FBXW8: variants seen among roughly 807,000 people sequenced by gnomAD.
FBXW8 encodes F-box and WD repeat domain containing 8.
FBXW8 carries 57 observed loss-of-function variants against 65.3 expected under a neutral mutation model. The observed-to-expected ratio is 0.87, with a 90% confidence interval of 0.71 to 1.09. The LOEUF (loss-of-function observed/expected upper bound fraction) is 1.09, where lower values mean the gene tolerates loss of function less well. Among genes scored for constraint, FBXW8 ranks in the 50% least tolerant of loss-of-function variants. The probability of loss-of-function intolerance (pLI) is 0.00; values close to 1 mark genes in which losing one functional copy is unlikely to be tolerated. For missense variants in FBXW8, 777 were observed against 814.8 expected (o/e 0.95, Z 0.57); for synonymous variants, 308 against 330.2 (o/e 0.93, Z 0.73).
At chr12:116,932,100 TC>T (rs1293364907) in intron 2 of FBXW8, among the ~76,000 whole-genome samples, 2 of 152,186 alleles carry the variant, frequency 1.3e-5, no homozygotes, top group Non-Finnish European at 2.9e-5. Flanking sequence ...GGTGATCACA[TC>T]GTTTTTCTCC....
chr12:117,018,087 C>T (rs1382458145), intron 8 of FBXW8, among the ~76,000 whole-genome samples: 1 of 152,152 alleles, frequency 6.6e-6, no homozygotes, highest in Non-Finnish European at 1.5e-5. Flanking sequence ...GGTTCCAGCA[C>T]GTTTTCCTGC....
At chr12:116,968,627 G>A (rs1884467532) in intron 5 of FBXW8, among the ~76,000 whole-genome samples, 1 of 152,156 alleles carries the variant, frequency 6.6e-6, no homozygotes, top group Non-Finnish European at 1.5e-5. Flanking sequence ...TGTTTTCTGG[G>A]TTACAGGGTA....
rs552145228 is a variant in FBXW8 at position 116,985,474 on chromosome 12, T to C, written c.1032+72T>C. ...TGGGTCTAATGTAAGCACGTACTAATGGTGTTGGTAACTCCCATTCACTCA... is the reference window on the plus strand; with the variant it reads ...TGGGTCTAATGTAAGCACGTACTAACGGTGTTGGTAACTCCCATTCACTCA... On this transcript the variant is annotated intron_variant, in intron 6 of 10. Transcript: ENST00000652555. The C allele has an allele frequency of 9.8e-5, 143 of 1,457,474 alleles. No homozygotes were observed. In the African/African-American group the frequency reaches 1.8e-3, roughly 19 times the overall value. The allele number at this position is 1,457,474 out of a possible 1,614,324, so 90.3% of individuals were successfully genotyped here. A position where few individuals can be genotyped will look rare whatever the true frequency, so the allele number is the denominator to read the frequency against.
intron 10 of FBXW8, 72 bp from the exon 11 acceptor site, chr12:117,027,954 GCA>G (rs1954273483): frequency 6.3e-7 from 1 of 1,595,840 alleles, no homozygotes; most frequent in African/African-American, 1.3e-5. Flanking sequence ...AACGCCTCCT[GCA>G]CAGACAGAAG....
intron 9 of FBXW8, among the ~76,000 whole-genome samples, chr12:117,024,750 G>C (rs1352554022): frequency 6.6e-6 from 1 of 151,950 alleles, no homozygotes; most frequent in Admixed American, 6.5e-5. Context: ...GGCAGGGCTG[G>C]CCCAGCTGCT....
At chr12:117,011,273 G>A (rs542713915) in intron 8 of FBXW8, among the ~76,000 whole-genome samples, 3 of 152,202 alleles carry the variant, frequency 2.0e-5, no homozygotes, top group African/African-American at 7.2e-5. Context: ...GGAGGCGGGT[G>A]TCAGATCGTG....
intron 1 of FBXW8, among the ~76,000 whole-genome samples, chr12:116,913,826 C>T (rs1880190758): frequency 6.6e-6 from 1 of 152,194 alleles, no homozygotes; most frequent in Non-Finnish European, 1.5e-5. Context: ...GAGGGTACAT[C>T]TGAATCTATT....
At chr12:116,990,828 A>AC (rs1953221289) in intron 7 of FBXW8, among the ~76,000 whole-genome samples, 1 of 152,182 alleles carries the variant, frequency 6.6e-6, no homozygotes, top group Non-Finnish European at 1.5e-5. Context: ...TAAACACATT[A>AC]ATTTTGTGAA....
At chr12:116,912,085 G>T (rs1879993603) in intron 1 of FBXW8, among the ~76,000 whole-genome samples, 2 of 151,930 alleles carry the variant, frequency 1.3e-5, no homozygotes, top group Admixed American at 6.6e-5. Context: ...AGAGGACAAG[G>T]CTCCAGGTTC....
chr12:116,970,172 T>C (rs1036323451), intron 5 of FBXW8, among the ~76,000 whole-genome samples: 1 of 152,190 alleles, frequency 6.6e-6, no homozygotes, highest in Non-Finnish European at 1.5e-5. Context: ...ACCCGCTCCC[T>C]GGTCACCGAG....
intron 5 of FBXW8, among the ~76,000 whole-genome samples, chr12:116,984,731 G>A (rs1224597601): frequency 6.6e-6 from 1 of 152,180 alleles, no homozygotes; most frequent in South Asian, 2.1e-4. Flanking sequence ...TGGCTCACAC[G>A]TGTAATTCCA....
At chr12:116,929,967 C>T (rs1881643763) in intron 2 of FBXW8, among the ~76,000 whole-genome samples, 1 of 152,210 alleles carries the variant, frequency 6.6e-6, no homozygotes, top group Non-Finnish European at 1.5e-5. Flanking sequence ...TTTCACTTAA[C>T]ATAATGCCCT....
intron 5 of FBXW8, among the ~76,000 whole-genome samples, chr12:116,981,649 C>T (rs533400802): frequency 1.3e-5 from 2 of 151,444 alleles, no homozygotes; most frequent in South Asian, 2.1e-4. Flanking sequence ...AGTCTCACTC[C>T]GTCACCCAGG....
chr12:116,929,135 A>T (rs188905882), intron 2 of FBXW8, among the ~76,000 whole-genome samples: 1 of 151,996 alleles, frequency 6.6e-6, no homozygotes, highest in Non-Finnish European at 1.5e-5. Context: ...TAAGCAGGGG[A>T]TGCCAGTGTG....
chr12:117,020,190 C>G (rs936845409), intron 8 of FBXW8, among the ~76,000 whole-genome samples: 1 of 152,218 alleles, frequency 6.6e-6, no homozygotes, highest in African/African-American at 2.4e-5. Flanking sequence ...GCTAGTTAAT[C>G]GTGTCACCTA....
In FBXW8 at chr12:116,949,637, G is replaced by A; in HGVS notation, c.608G>A (p.Ser203Asn). The A allele has an allele frequency of 6.2e-7, 1 of 1,614,228 alleles. No homozygotes were observed. Among genetic ancestry groups the A allele is most frequent in the South Asian group, 1.1e-5 (1 of 91,084 alleles). Reference sequence around the variant, plus strand: ...ACGCAGAATCGCAAAGGTGCCGTGAGCGAGCTGGAGCATGTTCCTGACACA... The same window carrying A: ...ACGCAGAATCGCAAAGGTGCCGTGAACGAGCTGGAGCATGTTCCTGACACA... ...TNWKNRKGAV[S>N]ELEHVPDTVL... Residue 203 changes from serine (S) to asparagine (N), a missense_variant, in exon 4 of 11, where the codon AGC becomes AAC. Ser to Asn is a conservative substitution (Grantham distance 46, BLOSUM62 1). Transcript: ENST00000652555.
At chr12:116,942,201 T>A (rs1592865672) in intron 2 of FBXW8, among the ~76,000 whole-genome samples, 2 of 151,750 alleles carry the variant, frequency 1.3e-5, no homozygotes, top group East Asian at 3.9e-4. Context: ...GCTAATTTTT[T>A]TTTTTTTTGT....
Position 117,010,345 on chromosome 12 carries a change from C to G in FBXW8, c.1262C>G (p.Ala421Gly), listed in dbSNP as rs762577736. ...CAGATCCTGGTGTATAGCCTGGAAG[C>G]AGGACGCCGCCTCTTGAAGCTGGGT... The part of the protein sequence containing the change: ...GSKILVYSLE[A>G]GRRLLKLGNV... Residue 421 changes from alanine to glycine, a missense_variant, in exon 8 of 11, where the codon GCA becomes GGA. Ala to Gly is a moderately conservative substitution (Grantham distance 60). Transcript: ENST00000652555. 6.2e-7 allele frequency: 1 copy of G among 1,614,114 alleles called. No individual in the cohort carries two copies. The highest frequency in any genetic ancestry group is 2.2e-5 in the East Asian group (1 of 44,900).
Position 117,020,289 on chromosome 12 carries a change from C to G in FBXW8, c.1368-3858C>G, listed in dbSNP as rs114837162. Among the ~76,000 whole-genome samples, 829 of 152,330 alleles carry G rather than the reference C, an allele frequency of 5.4e-3. 11 individuals carry two copies. The highest frequency in any genetic ancestry group is 0.019 in the African/African-American group (800 of 41,572). ...CTTAATAGGTAATGTCTTTTTCTCTCAGGCTGCTTTTAGGACCTCTTGGTC... is the reference window on the plus strand; with the variant it reads ...CTTAATAGGTAATGTCTTTTTCTCTGAGGCTGCTTTTAGGACCTCTTGGTC... On this transcript the variant is annotated intron_variant, in intron 8 of 10. Transcript: ENST00000652555.
Sources: allele counts gnomAD v4.1 joint callset (sites outside exome capture counted in the v4.1 genomes callset), GRCh38; gene constraint gnomAD v4.1.1; transcripts MANE v1.5; gene names NCBI Gene and HGNC (gene_info 2026-07-23, HGNC 2026-07-21).